The following TSHR variants were observed in gnomAD, a reference collection of about 807,000 sequenced individuals.
TSHR encodes the protein thyroid stimulating hormone receptor.
A neutral mutation model predicts 64.1 loss-of-function variants in TSHR; 51 were observed. The observed-to-expected ratio is 0.80, with a 90% CI of 0.64 to 1.01. The LOEUF is 1.01. TSHR is among the 50% of genes least tolerant of loss of function. The pLI, the probability that TSHR is intolerant of heterozygous loss-of-function variation, is 0.00. For missense variants in TSHR, 877 were observed against 942.8 expected (o/e 0.93, Z 0.91); for synonymous variants, 361 against 361.9 (o/e 1.00, Z 0.03).
intron 3 of TSHR, among the ~76,000 whole-genome samples, chr14:81,072,033 A>T (rs1243271881): frequency 6.6e-6 from 1 of 152,220 alleles, no homozygotes; most frequent in Non-Finnish European, 1.5e-5. Context: ...TGAGCAAGAG[A>T]TGCCCAGTGA....
intron 2 of TSHR, among the ~76,000 whole-genome samples, chr14:81,067,471 G>A (rs1326704265): frequency 1.1e-5 from 1 of 91,906 alleles, no homozygotes; most frequent in African/African-American, 5.0e-5. Flanking sequence ...TTAGTGAAAG[G>A]AGTTTATAGT....
intron 3 of TSHR, among the ~76,000 whole-genome samples, chr14:81,072,754 T>C (rs1314315761): frequency 7.2e-6 from 1 of 138,418 alleles, no homozygotes; most frequent in Non-Finnish European, 1.5e-5. Flanking sequence ...GTGAAAAGCT[T>C]TGGGAGGCCG....
At chr14:81,013,806 G>A (rs1890044254) in intron 1 of TSHR, 1 of 152,210 alleles carries the variant, frequency 6.6e-6, no homozygotes, top group Non-Finnish European at 1.5e-5. Flanking sequence ...TAGAGTTCTA[G>A]AAAACATTGT....
chr14:81,019,198 G>C (rs977866097), intron 1 of TSHR, among the ~76,000 whole-genome samples: 1 of 152,022 alleles, frequency 6.6e-6, no homozygotes, highest in African/African-American at 2.4e-5. Flanking sequence ...GCTGGGCTTG[G>C]TGGCGGGCAC....
intron 3 of TSHR, among the ~76,000 whole-genome samples, chr14:81,082,093 C>T (rs1159391839): frequency 6.6e-6 from 1 of 152,188 alleles, no homozygotes; most frequent in Non-Finnish European, 1.5e-5. Context: ...ATTTAATGTG[C>T]TCTGGAGACT....
intron 1 of TSHR, among the ~76,000 whole-genome samples, chr14:81,048,131 C>T (rs1360003737): frequency 6.6e-6 from 1 of 152,086 alleles, no homozygotes; most frequent in Non-Finnish European, 1.5e-5. Context: ...ATATTATTAT[C>T]CCTTTTTCAG....
chr14:80,969,390 G>A (rs1180615303), intron 1 of TSHR, among the ~76,000 whole-genome samples: 5 of 152,150 alleles, frequency 3.3e-5, no homozygotes, highest in African/African-American at 4.8e-5. Context: ...TGGTGGTGCC[G>A]GTGGAGGCAT....
At chr14:81,108,248 A>G in intron 7 of TSHR, 127 bp from the exon 8 acceptor site, 1 of 805,860 alleles carries the variant, frequency 1.2e-6, no homozygotes, top group South Asian at 1.5e-5. Context: ...AAGATAAAGT[A>G]TCTTCTAAAT....
chr14:81,128,610 G>C (rs532242109), intron 8 of TSHR, among the ~76,000 whole-genome samples: 2 of 152,024 alleles, frequency 1.3e-5, no homozygotes, highest in East Asian at 3.9e-4. Context: ...CCCATGCCAC[G>C]TATTCTCTCA....
At chr14:80,967,663 C>T (rs1887390301) in intron 1 of TSHR, among the ~76,000 whole-genome samples, 1 of 152,112 alleles carries the variant, frequency 6.6e-6, no homozygotes, top group Admixed American at 6.6e-5. Context: ...CTGGCTTGAA[C>T]CAGCTTAATT....
chr14:80,990,338 A>C (rs953455699), intron 1 of TSHR, among the ~76,000 whole-genome samples: 6 of 152,188 alleles, frequency 3.9e-5, no homozygotes, highest in Admixed American at 6.5e-5. Context: ...GCAGCTCATA[A>C]TAAGCAACTT....
In TSHR at chr14:81,103,226, G is replaced by A; in HGVS notation, c.615-5149G>A. On this transcript the variant is annotated intron_variant, in intron 7 of 9. Coordinates refer to ENST00000298171, the MANE Select transcript of TSHR (RefSeq NM_000369.5). This position sits in a 1 kb window ranked among gnomAD's most constrained non-coding sequence, Gnocchi z 4.1. ...ATTGTGTTTTTAACATAGGGATGTT[G>A]CTTTTGGTGTCAATGCTAATTAAGA... is the stretch of plus-strand genomic sequence containing the variant. 1.0e-6 allele frequency: 1 copy of A among 985,406 alleles called. No homozygotes were observed. The highest frequency in any genetic ancestry group is 1.2e-6 in the Non-Finnish European group (1 of 829,910). The allele number at this position is 985,406 out of a possible 1,614,324, so 61.0% of individuals were successfully genotyped here.
chr14:80,955,954 G>A, intron 1 of TSHR, 104 bp downstream of exon 1: 2 of 1,378,294 alleles, frequency 1.5e-6, no homozygotes, highest in Non-Finnish European at 2.0e-6. Context: ...GAAGTAGTGT[G>A]TGAGTGTGTG....
At chr14:81,078,067 C>T (rs576508654) in intron 3 of TSHR, among the ~76,000 whole-genome samples, 15 of 151,144 alleles carry the variant, frequency 9.9e-5, no homozygotes, top group Non-Finnish European at 1.9e-4. Context: ...TTTAAAGATT[C>T]AATTAACTTT....
intron 1 of TSHR, among the ~76,000 whole-genome samples, chr14:81,047,074 T>C (rs1885199878): frequency 6.6e-6 from 1 of 152,126 alleles, no homozygotes; most frequent in South Asian, 2.1e-4. Flanking sequence ...AAGGAAGTTC[T>C]TCAAGACAGA....
intron 3 of TSHR, among the ~76,000 whole-genome samples, chr14:81,075,098 T>A (rs1234705181): frequency 2.6e-5 from 4 of 152,250 alleles, no homozygotes; most frequent in Non-Finnish European, 5.9e-5. Flanking sequence ...GACCATAATT[T>A]ACTTTTTTAC....
intron 1 of TSHR, among the ~76,000 whole-genome samples, chr14:81,031,352 A>G (rs774284447): frequency 1.8e-4 from 28 of 152,288 alleles, no homozygotes; most frequent in Non-Finnish European, 3.4e-4. Flanking sequence ...ATCTTTGTTT[A>G]TATTTTGATA....
At chr14:81,056,227 C>A (rs1885787336) in intron 1 of TSHR, among the ~76,000 whole-genome samples, 1 of 152,144 alleles carries the variant, frequency 6.6e-6, no homozygotes, top group African/African-American at 2.4e-5. Flanking sequence ...TATGAGGCTT[C>A]CTTAGCCACA....
rs76708678 is a variant in TSHR at position 81,065,012 on chromosome 14, A to G, written c.242+2793A>G. Among the ~76,000 whole-genome samples the G allele has an allele frequency of 3.0e-3, 459 of 152,308 alleles. 3 individuals carry two copies. Among genetic ancestry groups the G allele is most frequent in the African/African-American group, 0.011 (439 of 41,578 alleles). The stretch of plus-strand genomic sequence containing the variant: ...AAAGCCAGGTTCTTGTCACATGGCC[A>G]TAAAAGATTAGGCTCACAGACACTT... On this transcript the variant is annotated intron_variant, in intron 2 of 9. Coordinates refer to ENST00000298171, the MANE Select transcript of TSHR (RefSeq NM_000369.5).
Sources: gnomAD v4.1 joint callset for allele counts (sites outside exome capture counted in the v4.1 genomes callset) on GRCh38, gnomAD v4.1.1 for gene constraint, Gnocchi (gnomAD v3.1) non-coding constraint, MANE v1.5 for transcripts, NCBI Gene and HGNC (gene_info 2026-07-23, HGNC 2026-07-21) for gene names.